The following NF2 variants were observed in gnomAD, a reference collection of about 807,000 sequenced individuals.
The protein encoded by NF2 is merlin.
A neutral mutation model predicts 83.7 loss-of-function variants in NF2; 8 were observed. The observed-to-expected ratio is 0.10, with a 90% CI of 0.06 to 0.17. The LOEUF is 0.17. NF2 is among the 10% of genes least tolerant of loss of function. The pLI, the probability that NF2 is intolerant of heterozygous loss-of-function variation, is 1.00. For missense variants in NF2, 533 were observed against 744.4 expected, an observed-to-expected ratio of 0.72 and a Z score of 3.31; for synonymous variants, 266 against 269.6, an observed-to-expected ratio of 0.99 and a Z score of 0.13.
chr22:29,633,462 C>G (rs778378745), intron 1 of NF2, among the ~76,000 whole-genome samples: 2 of 152,166 alleles, frequency 1.3e-5, no homozygotes, highest in Admixed American at 1.3e-4. Context: ...TGCCTTCTCT[C>G]CCTTCTACTG....
At chr22:29,680,711 T>A (rs1287329404) in intron 14 of NF2, among the ~76,000 whole-genome samples, 1 of 152,198 alleles carries the variant, frequency 6.6e-6, no homozygotes, top group Non-Finnish European at 1.5e-5. Flanking sequence ...CATCTTTAGA[T>A]GAAGTCTCAG....
chr22:29,646,962 G>A (rs144105776), intron 4 of NF2, among the ~76,000 whole-genome samples: 142 of 151,548 alleles, frequency 9.4e-4, no homozygotes, highest in Non-Finnish European at 1.6e-3. Context: ...CTTGAACCTG[G>A]GAGGTGGAGG....
chr22:29,675,451 C>T (rs1437984836), intron 13 of NF2, among the ~76,000 whole-genome samples: 1 of 151,660 alleles, frequency 6.6e-6, no homozygotes, highest in African/African-American at 2.4e-5. Context: ...CTCTTTCCTT[C>T]CTTTCTTCTG....
intron 1 of NF2, among the ~76,000 whole-genome samples, chr22:29,618,591 C>T (rs1344593384): frequency 1.3e-5 from 2 of 152,104 alleles, no homozygotes; most frequent in East Asian, 1.9e-4. Flanking sequence ...TGTAATTTGC[C>T]AGGAGGCTAA....
intron 5 of NF2, among the ~76,000 whole-genome samples, chr22:29,654,935 T>C (rs527334603): frequency 2.0e-5 from 3 of 152,288 alleles, no homozygotes; most frequent in Admixed American, 6.5e-5. Context: ...AGGACTAGCA[T>C]GGCCTGTAAA....
At chr22:29,627,557 G>A (rs992594658) in intron 1 of NF2, among the ~76,000 whole-genome samples, 1 of 152,122 alleles carries the variant, frequency 6.6e-6, no homozygotes, top group African/African-American at 2.4e-5. Flanking sequence ...ACTGAGGCCC[G>A]GTTGAGCTGC....
chr22:29,619,744 T>C (rs2065167643), intron 1 of NF2, among the ~76,000 whole-genome samples: 2 of 152,078 alleles, frequency 1.3e-5, no homozygotes, highest in South Asian at 4.2e-4. Context: ...GTGCCACTAC[T>C]CAGGTCTAGG....
chr22:29,661,299 C>T lies in NF2; in HGVS notation c.770C>T (p.Pro257Leu), dbSNP rs753300935. The T allele has an allele frequency of 5.0e-6, 8 of 1,614,086 alleles. No homozygotes were observed. Among genetic ancestry groups the T allele is most frequent in the Admixed American group, 3.3e-5 (2 of 60,012 alleles). ...AGACTGACCCCCAAGATCTCCTTCCCGTGGAATGAAATCCGAAACATCTCG... is the reference window on the plus strand; with the variant it reads ...AGACTGACCCCCAAGATCTCCTTCCTGTGGAATGAAATCCGAAACATCTCG... Reference protein sequence around the residue: ...ENRLTPKISFPWNEIRNISYS... With the variant: ...ENRLTPKISFLWNEIRNISYS... Residue 257 changes from proline to leucine, a missense_variant, in exon 8 of 16, where the codon CCG (proline) becomes CTG (leucine). Transcript: ENST00000338641.
chr22:29,664,757 C>T (rs1194046555), intron 8 of NF2, among the ~76,000 whole-genome samples: 2 of 152,228 alleles, frequency 1.3e-5, no homozygotes, highest in African/African-American at 4.8e-5. Flanking sequence ...TCCCTTCCCA[C>T]ACTCATGCCT....
chr22:29,656,982 A>G (rs1393333693), intron 6 of NF2, among the ~76,000 whole-genome samples: 1 of 151,822 alleles, frequency 6.6e-6, no homozygotes, highest in African/African-American at 2.4e-5. Context: ...ATTAGCCTTT[A>G]ACATTTTTTT....
intron 13 of NF2, among the ~76,000 whole-genome samples, chr22:29,676,455 C>T (rs1455618827): frequency 6.6e-6 from 1 of 152,168 alleles, no homozygotes; most frequent in Non-Finnish European, 1.5e-5. Context: ...GGATTATAGG[C>T]ATGAGCCACT....
At chr22:29,686,813 T>C (rs1460630835) in intron 15 of NF2, among the ~76,000 whole-genome samples, 3 of 152,182 alleles carry the variant, frequency 2.0e-5, no homozygotes, top group Non-Finnish European at 2.9e-5. Flanking sequence ...GTCAGAGCAG[T>C]GCTAGCGATC....
chr22:29,619,264 C>CG (rs1354283601), intron 1 of NF2, among the ~76,000 whole-genome samples: 1 of 152,098 alleles, frequency 6.6e-6, no homozygotes, highest in Non-Finnish European at 1.5e-5. Flanking sequence ...ATGCTGGTCT[C>CG]GAACTCCTGA....
Position 29,694,470 on chromosome 22 carries a change from G to A in NF2, c.1738-282G>A, listed in dbSNP as rs934800480. 1.3e-5 allele frequency among the ~76,000 whole-genome samples: 2 copies of A among 152,194 alleles called. No homozygotes were observed. The highest frequency in any genetic ancestry group is 2.4e-5 in the African/African-American group (1 of 41,440). ...TCTATTAAAATAGGCAGGGATCTCC[G>A]GTCCTCTGTCAAGAGGCAATGCTGA... On this transcript the variant is annotated intron_variant, in intron 15 of 15. Transcript: ENST00000338641. This position sits in a 1 kb window ranked among gnomAD's most constrained non-coding sequence, Gnocchi z 4.1.
intron 1 of NF2, among the ~76,000 whole-genome samples, chr22:29,623,895 C>A (rs2065277833): frequency 6.6e-6 from 1 of 152,190 alleles, no homozygotes; most frequent in Non-Finnish European, 1.5e-5. Flanking sequence ...CAAAGGCCCT[C>A]AGCTTTAGCG....
intron 15 of NF2, among the ~76,000 whole-genome samples, chr22:29,681,976 C>T (rs747858861): frequency 1.1e-4 from 16 of 152,116 alleles, no homozygotes; most frequent in Non-Finnish European, 1.8e-4. Context: ...ATGGACTTTC[C>T]CTCTAGTCTT....
In NF2 at chr22:29,628,140, CTGTGTGTGTGTGTGTG is replaced by C. The variant is rs3138701; in HGVS notation, c.115-8581_115-8566del. ...TTGCCAGGGTTCTGGGAGACTTAATCTGTGTGTGTGTGTGTGTGTGTGTGTGTGTGTGTGTGTGTGT... is the reference window on the plus strand; with the variant it reads ...TTGCCAGGGTTCTGGGAGACTTAATCTGTGTGTGTGTGTGTGTGTGTGTGT... On this transcript the variant is annotated intron_variant, in intron 1 of 15. Transcript: ENST00000338641. Among the ~76,000 whole-genome samples the C allele has an allele frequency of 3.6e-4, 50 of 139,768 alleles. 1 individual carries two copies. The highest frequency in any genetic ancestry group is 1.9e-3 in the South Asian group (8 of 4,182). 91.7% of individuals were successfully genotyped at this position (139,768 alleles called of 152,430 possible).
intron 1 of NF2, among the ~76,000 whole-genome samples, chr22:29,618,441 AC>A (rs1262866965): frequency 7.4e-5 from 11 of 149,002 alleles, no homozygotes; most frequent in Non-Finnish European, 1.0e-4. Flanking sequence ...ATAAGTTCAG[AC>A]TTTTTTTCTT....
chr22:29,663,732 T>C (rs2066539855), intron 8 of NF2, among the ~76,000 whole-genome samples: 2 of 152,252 alleles, frequency 1.3e-5, no homozygotes, highest in Admixed American at 1.3e-4. Context: ...TCTTGGGCAA[T>C]ATAACGTGTG....
Sources: allele counts gnomAD v4.1 joint callset (sites outside exome capture counted in the v4.1 genomes callset), GRCh38; gene constraint gnomAD v4.1.1; non-coding constraint Gnocchi (gnomAD v3.1); transcripts MANE v1.5; gene names NCBI Gene and HGNC (gene_info 2026-07-23, HGNC 2026-07-21).